The following HCAR3 variants were observed in gnomAD, a reference collection of about 807,000 sequenced individuals.
The protein encoded by HCAR3 is G-protein coupled receptor 109B.
For synonymous variants in HCAR3, 167 were observed against 201.0 expected (o/e 0.83, Z 1.43); for missense variants, 404 against 501.2 (o/e 0.81, Z 1.85).
rs1206336373 is a variant in HCAR3 at position 122,715,587 on chromosome 12, C to T, written c.1151G>A (p.Cys384Tyr). 2.5e-6 allele frequency: 4 copies of T among 1,599,382 alleles called. No homozygotes were observed. Among genetic ancestry groups the T allele is most frequent in the African/African-American group, 2.7e-5 (2 of 74,152 alleles). ...EPASLEKQLG[C>Y]CIE The stretch of plus-strand genomic sequence containing the variant: ...AGTCCAGTGACATTACTCGATGCAA[C>T]AGCCCAACTGTTTCTCCAGAGATGC... The change falls in exon 1 of 1, where the codon TGT becomes TAT. Residue 384 changes from cysteine (C) to tyrosine (Y), a missense_variant. Transcript: ENST00000528880.
Position 122,716,732 on chromosome 12 carries a change from A to G in HCAR3, c.6T>C (p.Asn2=). 6.2e-7 allele frequency: 1 copy of G among 1,613,486 alleles called. No homozygotes were observed. Among genetic ancestry groups the G allele is most frequent in the Non-Finnish European group, 8.5e-7 (1 of 1,179,624 alleles). ...GAAAGTGATCCTGCAGATGGTGCCG[A>G]TTCATGAGTGCAGCTAGTGAGTCCG... The part of the protein sequence containing the change: M[N]RHHLQDHFLE... Residue 2 remains asparagine, a synonymous_variant, in exon 1 of 1, where the codon AAT becomes AAC. Transcript: ENST00000528880.
In HCAR3 at chr12:122,715,751, G is replaced by T; in HGVS notation, c.987C>A (p.Val329=). Reference sequence around the variant, plus strand: ...TTTTGTTGGGGTCCCCTGTGAGCTCGACGCTCGTGCTGCGGTTATTATCTG... The same window carrying T: ...TTTTGTTGGGGTCCCCTGTGAGCTCTACGCTCGTGCTGCGGTTATTATCTG... ...GEPDNNRSTS[V]ELTGDPNKTR... is the part of the protein sequence containing the mutation. The change falls in exon 1 of 1, where the codon GTC becomes GTA. Residue 329 remains valine, a synonymous_variant. Transcript: ENST00000528880. The T allele has an allele frequency of 1.2e-6, 2 of 1,609,324 alleles. No individual in the cohort carries two copies. The highest frequency in any genetic ancestry group is 1.1e-5 in the South Asian group (1 of 90,866).
chr12:122,715,415 G>C lies in HCAR3; in HGVS notation c.*159C>G, dbSNP rs1230319037. ...CTTCAGTCCTGCGAGCGTCAGAGAT[G>C]AAGCAAGTTTCAGATGCCTAGAAGC... On this transcript the variant is annotated 3_prime_UTR_variant, in exon 1 of 1. Coordinates refer to ENST00000528880, the MANE Select transcript of HCAR3 (RefSeq NM_006018.3). 2 of 848,840 alleles carry C rather than the reference G, an allele frequency of 2.4e-6. No individual in the cohort carries two copies. Among genetic ancestry groups the C allele is most frequent in the Admixed American group, 5.7e-5 (2 of 35,380 alleles). The allele number at this position is 848,840 out of a possible 1,614,324, so 52.6% of individuals were successfully genotyped here. A position where few individuals can be genotyped will look rare whatever the true frequency, so the allele number is the denominator to read the frequency against.
At position 122,715,276 on chromosome 12, in the gene HCAR3, C is replaced by A. The variant is rs1194026831; in HGVS notation, c.*298G>T. 6.1e-6 allele frequency: 2 copies of A among 327,444 alleles called. No individual in the cohort carries two copies. Among genetic ancestry groups the A allele is most frequent in the African/African-American group, 2.2e-5 (1 of 46,490 alleles). The allele number at this position is 327,444 out of a possible 1,614,324, so 20.3% of individuals were successfully genotyped here. A position where few individuals can be genotyped will look rare whatever the true frequency, so the allele number is the denominator to read the frequency against. On this transcript the variant is annotated 3_prime_UTR_variant, in exon 1 of 1. Coordinates refer to ENST00000528880, the MANE Select transcript of HCAR3 (RefSeq NM_006018.3). ...GAGCTCACAAGCAGGCTAGATATCA[C>A]CCCAGGAGCTGAGCCCCCTCCAGTC...
Position 122,716,220 on chromosome 12 carries a change from G to A in HCAR3, c.518C>T (p.Thr173Ile), listed in dbSNP as rs373260723. ...GCTGAAGCTGATGCACACATTTGCAGTGCCATTCTGGATCAGCAACTTCTT... is the reference window on the plus strand; with the variant it reads ...GCTGAAGCTGATGCACACATTTGCAATGCCATTCTGGATCAGCAACTTCTT... ...LKKKLLIQNG[T>I]ANVCISFSIC... The change falls in exon 1 of 1, where the codon ACT becomes ATT. Residue 173 changes from threonine to isoleucine, a missense_variant. Thr to Ile is a moderately conservative substitution (Grantham distance 89). Coordinates refer to ENST00000528880, the MANE Select transcript of HCAR3 (RefSeq NM_006018.3). 1 of 1,614,148 alleles carries A rather than the reference G, an allele frequency of 6.2e-7. No individual in the cohort carries two copies. The highest frequency in any genetic ancestry group is 1.7e-5 in the Admixed American group (1 of 60,014).
Position 122,716,492 on chromosome 12 carries a change from G to C in HCAR3, c.246C>G (p.Phe82Leu), listed in dbSNP as rs11059549. The C allele has an allele frequency of 7.4e-6, 12 of 1,613,998 alleles. No homozygotes were observed. Among genetic ancestry groups the C allele is most frequent in the Admixed American group, 1.7e-5 (1 of 60,002 alleles). ...AACGCCGCACATAGTAGTCCATCAC[G>C]AACGGCAGGCAGATGATCAGTAGAA... The part of the protein sequence containing the change: ...ADFLLIICLP[F>L]VMDYYVRRSD... Residue 82 changes from phenylalanine to leucine, a missense_variant, in exon 1 of 1, where the codon TTC becomes TTG. Coordinates refer to ENST00000528880, the MANE Select transcript of HCAR3 (RefSeq NM_006018.3).
rs774009296 is a variant in HCAR3 at position 122,715,913 on chromosome 12, C to T, written c.825G>A (p.Ala275=). 20 of 1,573,184 alleles carry T rather than the reference C, an allele frequency of 1.3e-5. 1 individual carries two copies. The highest frequency in any genetic ancestry group is 2.2e-5 in the South Asian group (2 of 89,798). ...NCEVYRSVDL[A]FFITLSFTYM... is the part of the protein sequence containing the mutation. ...AGGTGAAGCTGAGAGTGATAAAGAA[C>T]GCCAGGTCCACCGAGCGGTACACTT... The change falls in exon 1 of 1, where the codon GCG becomes GCA. Residue 275 remains alanine, a synonymous_variant. Transcript: ENST00000528880.
At position 122,716,272 on chromosome 12, in the gene HCAR3, C is replaced by G. The variant is rs367957885; in HGVS notation, c.466G>C (p.Val156Leu). ...TTCAGGAGGTGGACTGTTAGGCCAACAGTGATGCCCCACAGAAGGCAAGAG... is the reference window on the plus strand; with the variant it reads ...TTCAGGAGGTGGACTGTTAGGCCAAGAGTGATGCCCCACAGAAGGCAAGAG... ...IISCLLWGIT[V>L]GLTVHLLKKK... The change falls in exon 1 of 1, where the codon GTT becomes CTT. Residue 156 changes from valine (V) to leucine (L), a missense_variant. Coordinates refer to ENST00000528880, the MANE Select transcript of HCAR3 (RefSeq NM_006018.3). 20 of 1,613,676 alleles carry G rather than the reference C, an allele frequency of 1.2e-5. No homozygotes were observed. The East Asian group carries it at 2.0e-4, about 16-fold the overall frequency.
At position 122,716,243 on chromosome 12, in the gene HCAR3, C is replaced by A. The variant is rs755549091; in HGVS notation, c.495G>T (p.Lys165Asn). The A allele has an allele frequency of 7.6e-5, 122 of 1,614,022 alleles. No individual in the cohort carries two copies. Among genetic ancestry groups the A allele is most frequent in the Non-Finnish European group, 3.4e-6 (4 of 1,180,040 alleles). The change falls in exon 1 of 1, where the codon AAG becomes AAT. Residue 165 changes from lysine to asparagine, a missense_variant. Lys to Asn is a moderately conservative substitution (Grantham distance 94). Transcript: ENST00000528880. ...CAGTGCCATTCTGGATCAGCAACTT[C>A]TTCTTCAGGAGGTGGACTGTTAGGC... ...TVGLTVHLLK[K>N]KLLIQNGTAN...
Position 122,715,705 on chromosome 12 carries a change from A to G in HCAR3, c.1033T>C (p.Leu345=), listed in dbSNP as rs1877521205. The G allele has an allele frequency of 6.2e-7, 1 of 1,611,588 alleles. No individual in the cohort carries two copies. Among genetic ancestry groups the G allele is most frequent in the East Asian group, 2.2e-5 (1 of 44,840 alleles). The change falls in exon 1 of 1, where the codon TTA becomes CTA. Residue 345 remains leucine, a synonymous_variant. Transcript: ENST00000528880. ...PNKTRGAPEA[L]IANSGEPWSP... is the part of the protein sequence containing the mutation. ...CATGGCTCACCGGAGTTGGCGATTA[A>G]CGCCTCTGGAGCGCCTCTGGTTTTG...
chr12:122,716,524 C>T lies in HCAR3; in HGVS notation c.214G>A (p.Ala72Thr), dbSNP rs1877560466. ...SRIFLFNLAV[A>T]DFLLIICLPF... ...AGGCAGATGATCAGTAGAAAGTCAG[C>T]TACTGCCAGGTTGAACAGGAAAATC... Residue 72 changes from alanine to threonine, a missense_variant, in exon 1 of 1, where the codon GCT becomes ACT. Coordinates refer to ENST00000528880, the MANE Select transcript of HCAR3 (RefSeq NM_006018.3). 1 of 1,614,032 alleles carries T rather than the reference C, an allele frequency of 6.2e-7. No individual in the cohort carries two copies. The highest frequency in any genetic ancestry group is 1.3e-5 in the African/African-American group (1 of 74,916).
Position 122,715,996 on chromosome 12 carries a change from C to A in HCAR3, c.742G>T (p.Val248Leu). ...IVFVICFLPSVVVRIHIFWLL... is the reference protein window; with the variant it reads ...IVFVICFLPSLVVRIHIFWLL... ...CAGAAGATGTGGATCCGCACAACCA[C>A]GCTGGGAAGGAAGCAGATGACAAAG... is the stretch of plus-strand genomic sequence containing the variant. The change falls in exon 1 of 1, where the codon GTG becomes TTG. Residue 248 changes from valine (V) to leucine (L), a missense_variant. By Grantham distance (32) the Val-to-Leu change is conservative. Transcript: ENST00000528880. 6.3e-7 allele frequency: 1 copy of A among 1,577,356 alleles called. No homozygotes were observed. The highest frequency in any genetic ancestry group is 8.7e-7 in the Non-Finnish European group (1 of 1,151,062).
At position 122,716,781 on chromosome 12, in the gene HCAR3, G is replaced by T; in HGVS notation, c.-44C>A. 3 of 1,599,238 alleles carry T rather than the reference G, an allele frequency of 1.9e-6. No individual in the cohort carries two copies. The highest frequency in any genetic ancestry group is 2.6e-6 in the Non-Finnish European group (3 of 1,170,806). On this transcript the variant is annotated 5_prime_UTR_variant, in exon 1 of 1. Transcript: ENST00000528880. ...CGATGGAGCGCCTCGCCTAGTGAAT[G>T]CTCCAGCAAAGTGGCGTGTGTCTGT...
rs1313631900 is a variant in HCAR3 at position 122,716,115 on chromosome 12, G to A, written c.623C>T (p.Ser208Leu). ...CCGCAGGCTCCAGATAATTCTGGCT[G>A]AGCAGAACAGGATGATGCCCAGGGG... ...FLPLGIILFC[S>L]ARIIWSLRQR... is the part of the protein sequence containing the mutation. Residue 208 changes from serine (S) to leucine (L), a missense_variant, in exon 1 of 1, where the codon TCA (serine) becomes TTA (leucine). Coordinates refer to ENST00000528880, the MANE Select transcript of HCAR3 (RefSeq NM_006018.3). The A allele has an allele frequency of 1.9e-6, 3 of 1,613,800 alleles. No homozygotes were observed. The South Asian group carries it at 3.3e-5, about 18-fold the overall frequency.
chr12:122,715,853 G>A lies in HCAR3; in HGVS notation c.885C>T (p.Tyr295=), dbSNP rs777294126. Residue 295 remains tyrosine (Y), a synonymous_variant, in exon 1 of 1, where the codon TAC becomes TAT. Coordinates refer to ENST00000528880, the MANE Select transcript of HCAR3 (RefSeq NM_006018.3). The part of the protein sequence containing the change: ...MNSMLDPVVY[Y]FSSPSFPNFF... ...AGTTGGGAAAGGATGGGCTGGAGAAGTAGTACACCACGGGGTCCAGCATGC... is the reference window on the plus strand; with the variant it reads ...AGTTGGGAAAGGATGGGCTGGAGAAATAGTACACCACGGGGTCCAGCATGC... 1 of 1,592,198 alleles carries A rather than the reference G, an allele frequency of 6.3e-7. No individual in the cohort carries two copies. Among genetic ancestry groups the A allele is most frequent in the South Asian group, 1.1e-5 (1 of 90,480 alleles).
Position 122,716,198 on chromosome 12 carries a change from G to T in HCAR3, c.540C>A (p.Phe180Leu), listed in dbSNP as rs1251022477. ...QNGTANVCISFSICHTFRWHE... is the reference protein window; with the variant it reads ...QNGTANVCISLSICHTFRWHE... ...GCCACCGGAAGGTATGGCAGATGCT[G>T]AAGCTGATGCACACATTTGCAGTGC... The change falls in exon 1 of 1, where the codon TTC (phenylalanine) becomes TTA (leucine). Residue 180 changes from phenylalanine to leucine, a missense_variant. By Grantham distance (22) the Phe-to-Leu change is conservative. Coordinates refer to ENST00000528880, the MANE Select transcript of HCAR3 (RefSeq NM_006018.3). 1 of 1,614,030 alleles carries T rather than the reference G, an allele frequency of 6.2e-7. No individual in the cohort carries two copies. The highest frequency in any genetic ancestry group is 8.5e-7 in the Non-Finnish European group (1 of 1,180,036).
chr12:122,715,538 G>A lies in HCAR3; in HGVS notation c.*36C>T. 4 of 1,529,224 alleles carry A rather than the reference G, an allele frequency of 2.6e-6. No homozygotes were observed. The highest frequency in any genetic ancestry group is 3.5e-6 in the Non-Finnish European group (4 of 1,135,792). The allele number at this position is 1,529,224 out of a possible 1,614,324, so 94.7% of individuals were successfully genotyped here. On this transcript the variant is annotated 3_prime_UTR_variant, in exon 1 of 1. Coordinates refer to ENST00000528880, the MANE Select transcript of HCAR3 (RefSeq NM_006018.3). ...CCCTAAATCAGATTCTCTGAATCTGGAAGTTCCAGGAAATCTTAGGCCGAG... is the reference window on the plus strand; with the variant it reads ...CCCTAAATCAGATTCTCTGAATCTGAAAGTTCCAGGAAATCTTAGGCCGAG...
Position 122,716,454 on chromosome 12 carries a change from A to G in HCAR3, c.284T>C (p.Phe95Ser), listed in dbSNP as rs3825145. Residue 95 changes from phenylalanine (F) to serine (S), a missense_variant, in exon 1 of 1, where the codon TTT (phenylalanine) becomes TCT (serine). By Grantham distance (155) the Phe-to-Ser change is radical. Coordinates refer to ENST00000528880, the MANE Select transcript of HCAR3 (RefSeq NM_006018.3). ...DYYVRRSDWK[F>S]GDIPCRLVLF... ...CACCAGCCGGCAAGGGATGTCCCCA[A>G]ACTTCCAGTCTGAACGCCGCACATA... 52 of 1,614,130 alleles carry G rather than the reference A, an allele frequency of 3.2e-5. No individual in the cohort carries two copies. The East Asian group carries it at 1.0e-3, about 32-fold the overall frequency.
At position 122,716,211 on chromosome 12, in the gene HCAR3, A is replaced by G. The variant is rs1877541855; in HGVS notation, c.527T>C (p.Val176Ala). ...KLLIQNGTAN[V>A]CISFSICHTF... Reference sequence around the variant, plus strand: ...ATGGCAGATGCTGAAGCTGATGCACACATTTGCAGTGCCATTCTGGATCAG... The same window carrying G: ...ATGGCAGATGCTGAAGCTGATGCACGCATTTGCAGTGCCATTCTGGATCAG... The change falls in exon 1 of 1, where the codon GTG (valine) becomes GCG (alanine). Residue 176 changes from valine to alanine, a missense_variant. Transcript: ENST00000528880. 1 of 1,614,192 alleles carries G rather than the reference A, an allele frequency of 6.2e-7. No individual in the cohort carries two copies. Among genetic ancestry groups the G allele is most frequent in the Non-Finnish European group, 8.5e-7 (1 of 1,180,038 alleles).
Sources: allele counts gnomAD v4.1 joint callset, GRCh38; gene constraint gnomAD v4.1.1; transcripts MANE v1.5; gene names NCBI Gene and HGNC (gene_info 2026-07-23, HGNC 2026-07-21).